The following CSMD1 variants were observed in gnomAD, a reference collection of about 807,000 sequenced individuals.
CSMD1 encodes CUB and sushi domain-containing protein 1.
Under a neutral mutation model 417.5 loss-of-function variants are expected in CSMD1, and 213 were observed. The ratio of observed to expected loss-of-function variants is 0.51; its 90% CI spans 0.46 to 0.57. The LOEUF (loss-of-function observed/expected upper bound fraction) is 0.57. Ranked by LOEUF, CSMD1 falls within the 20% of genes least tolerant of loss-of-function variation. The pLI, the probability that CSMD1 is intolerant of heterozygous loss-of-function variation, is 0.00. For missense variants in CSMD1, 6,923 were observed against 4,529.7 expected (o/e 1.53, Z -15.17); for synonymous variants, 2,862 against 1,736.8 (o/e 1.65, Z -16.11).
intron 20 of CSMD1, among the ~76,000 whole-genome samples, chr8:3,361,319 C>T (rs1444950274): frequency 1.3e-5 from 2 of 151,996 alleles, no homozygotes; most frequent in African/African-American, 2.4e-5. Flanking sequence ...CATACATTTC[C>T]TGTCATTTCT....
At chr8:4,041,532 T>A (rs947104807) in intron 3 of CSMD1, among the ~76,000 whole-genome samples, 1 of 152,064 alleles carries the variant, frequency 6.6e-6, no homozygotes, top group African/African-American at 2.4e-5. Context: ...TCAAGAATAT[T>A]TATGGGAATA....
intron 38 of CSMD1, among the ~76,000 whole-genome samples, chr8:3,159,769 G>A (rs1406282510): frequency 6.6e-6 from 1 of 152,214 alleles, no homozygotes; most frequent in Non-Finnish European, 1.5e-5. Flanking sequence ...GGACTGTGCA[G>A]AAGTGCATCC....
At chr8:3,431,642 G>C (rs2117022200) in intron 12 of CSMD1, among the ~76,000 whole-genome samples, 1 of 152,110 alleles carries the variant, frequency 6.6e-6, no homozygotes, top group South Asian at 2.1e-4. Flanking sequence ...GACAAAACTT[G>C]TTTATTAATG....
At chr8:3,540,897 G>A (rs907272234) in intron 10 of CSMD1, among the ~76,000 whole-genome samples, 1 of 152,230 alleles carries the variant, frequency 6.6e-6, no homozygotes, top group African/African-American at 2.4e-5. Flanking sequence ...CGGCGAGGCT[G>A]TGGAGAAACA....
intron 25 of CSMD1, among the ~76,000 whole-genome samples, chr8:3,307,233 C>T (rs763420901): frequency 2.0e-5 from 3 of 152,046 alleles, no homozygotes; most frequent in Non-Finnish European, 4.4e-5. Context: ...TCATCCCTTG[C>T]TGCTACAACC....
At chr8:4,353,617 G>T (rs1035696197) in intron 3 of CSMD1, among the ~76,000 whole-genome samples, 4 of 151,738 alleles carry the variant, frequency 2.6e-5, no homozygotes, top group Non-Finnish European at 5.9e-5. Flanking sequence ...CAACTAAAGA[G>T]CAGAGTCACG....
intron 6 of CSMD1, among the ~76,000 whole-genome samples, chr8:3,735,073 C>T (rs1193451232): frequency 1.3e-5 from 2 of 152,300 alleles, no homozygotes; most frequent in Admixed American, 6.5e-5. Flanking sequence ...GGAGGACACA[C>T]GCCAGCCACC....
intron 2 of CSMD1, among the ~76,000 whole-genome samples, chr8:4,617,489 G>T (rs1585337948): frequency 6.6e-6 from 1 of 152,240 alleles, no homozygotes; most frequent in Non-Finnish European, 1.5e-5. Flanking sequence ...AAACATTCTG[G>T]TAAATCACCT....
At chr8:3,106,432 A>C in intron 46 of CSMD1, 96 bp downstream of exon 46, 1 of 659,924 alleles carries the variant, frequency 1.5e-6, no homozygotes. Context: ...CAAATAAATA[A>C]GTTCACATCT....
chr8:3,546,948 G>A (rs1484781351), intron 10 of CSMD1, among the ~76,000 whole-genome samples: 1 of 152,220 alleles, frequency 6.6e-6, no homozygotes, highest in Non-Finnish European at 1.5e-5. Flanking sequence ...GAGGTCTTGA[G>A]CTGTTTTGAA....
chr8:4,051,985 G>A (rs1319367803), intron 3 of CSMD1, among the ~76,000 whole-genome samples: 2 of 151,292 alleles, frequency 1.3e-5, no homozygotes, highest in Admixed American at 6.6e-5. Flanking sequence ...GAGTGCAACA[G>A]TGTTATCTCG....
intron 5 of CSMD1, among the ~76,000 whole-genome samples, chr8:3,931,112 G>C (rs777653729): frequency 6.6e-6 from 1 of 150,428 alleles, no homozygotes; most frequent in African/African-American, 2.5e-5. Context: ...TTAAAGCCTA[G>C]GCCGATATTG....
At chr8:3,257,979 G>A (rs937146504) in intron 26 of CSMD1, among the ~76,000 whole-genome samples, 1 of 152,188 alleles carries the variant, frequency 6.6e-6, no homozygotes, top group East Asian at 1.9e-4. Context: ...GTGAGACCAG[G>A]TGGAAGGCTA....
intron 3 of CSMD1, among the ~76,000 whole-genome samples, chr8:4,148,961 A>G (rs1043429037): frequency 9.7e-6 from 1 of 103,118 alleles, no homozygotes; most frequent in African/African-American, 2.8e-5. Flanking sequence ...AACATTTCAT[A>G]TTAACTTTTT....
chr8:4,702,697 T>C (rs752708794), intron 1 of CSMD1, among the ~76,000 whole-genome samples: 12 of 152,164 alleles, frequency 7.9e-5, no homozygotes, highest in Admixed American at 3.3e-4. Context: ...CGTATTTCTA[T>C]TGCTAAGTAC....
intron 1 of CSMD1, among the ~76,000 whole-genome samples, chr8:4,680,973 T>TGAGAGAGAGA (rs34049081): frequency 2.6e-3 from 362 of 138,680 alleles, no homozygotes; most frequent in Middle Eastern, 7.8e-3. Flanking sequence ...TGTGTGTGTG[T>TGAGAGAGAGA]GTGAGAGAGA....
At chr8:3,179,033 T>A in intron 37 of CSMD1, among the ~76,000 whole-genome samples, 1 of 151,468 alleles carries the variant, frequency 6.6e-6, no homozygotes, top group South Asian at 2.1e-4. Flanking sequence ...CTGCAAGCTC[T>A]GCCTCCCGGG....
rs148168866 is a variant in CSMD1 at position 4,010,046 on chromosome 8, G to A, written c.611-11936C>T. On this transcript the variant is annotated intron_variant, in intron 4 of 69. Coordinates refer to ENST00000635120, the MANE Select transcript of CSMD1 (RefSeq NM_033225.6). ...GTCTCCTACTACTTCCTCGAAAACT[G>A]AAAGTCAATTATAAACAGAATTTCC... Among the ~76,000 whole-genome samples, 589 of 152,254 alleles carry A rather than the reference G, an allele frequency of 3.9e-3. 4 individuals are homozygous for A. Among genetic ancestry groups the A allele is most frequent in the Middle Eastern group, 0.02 (6 of 294 alleles).
At chr8:3,885,755 C>G (rs1413013746) in intron 5 of CSMD1, among the ~76,000 whole-genome samples, 2 of 152,120 alleles carry the variant, frequency 1.3e-5, no homozygotes, top group East Asian at 1.9e-4. Context: ...ATCTCACAAA[C>G]AAACTGGAGT....
Sources: gnomAD v4.1 joint callset for allele counts (sites outside exome capture counted in the v4.1 genomes callset) on GRCh38, gnomAD v4.1.1 for gene constraint, MANE v1.5 for transcripts, NCBI Gene and HGNC (gene_info 2026-07-23, HGNC 2026-07-21) for gene names.